KCNH7: variants seen among roughly 807,000 people sequenced by gnomAD.
The protein encoded by KCNH7 is potassium voltage-gated channel subfamily H member 7, also known as voltage-gated inwardly rectifying potassium channel KCNH7.
Under a neutral mutation model 120.8 loss-of-function variants are expected in KCNH7, and 49 were observed. The ratio of observed to expected loss-of-function variants is 0.41; its 90% CI spans 0.32 to 0.51. The LOEUF (loss-of-function observed/expected upper bound fraction) is 0.51. Among genes scored for constraint, KCNH7 ranks in the 20% least tolerant of loss-of-function variants. KCNH7 has a pLI of 0.38. For missense variants in KCNH7, 1,097 were observed against 1,446.6 expected (o/e 0.76, Z 3.92); for synonymous variants, 547 against 516.1 (o/e 1.06, Z -0.81).
chr2:162,451,213 A>G (rs554267958), intron 6 of KCNH7, among the ~76,000 whole-genome samples: 4 of 152,116 alleles, frequency 2.6e-5, no homozygotes, highest in African/African-American at 9.6e-5. Flanking sequence ...CTACCATATA[A>G]CATCAGATAT....
chr2:162,631,693 A>G (rs1366592686), intron 2 of KCNH7, among the ~76,000 whole-genome samples: 2 of 152,106 alleles, frequency 1.3e-5, no homozygotes, highest in African/African-American at 4.8e-5. Flanking sequence ...AAAAAATTAA[A>G]AAGTAACTGT....
chr2:162,755,678 G>T (rs1237017849), intron 2 of KCNH7, among the ~76,000 whole-genome samples: 1 of 152,040 alleles, frequency 6.6e-6, no homozygotes, highest in Non-Finnish European at 1.5e-5. Context: ...CTACTTTAAA[G>T]TATGATAACA....
intron 14 of KCNH7, 60 bp downstream of exon 14, chr2:162,379,793 A>G (rs1686344806): frequency 6.5e-7 from 1 of 1,533,332 alleles, no homozygotes; most frequent in Admixed American, 1.9e-5. Flanking sequence ...TGTAAGGAGT[A>G]AAACTGGACC....
At chr2:162,552,434 G>A (rs778081439) in intron 2 of KCNH7, among the ~76,000 whole-genome samples, 11 of 152,088 alleles carry the variant, frequency 7.2e-5, no homozygotes, top group Middle Eastern at 3.2e-3. Flanking sequence ...CAGGAAAATC[G>A]GGCATCTCTG....
chr2:162,653,420 G>T (rs1044830222), intron 2 of KCNH7, among the ~76,000 whole-genome samples: 1 of 152,130 alleles, frequency 6.6e-6, no homozygotes, highest in Non-Finnish European at 1.5e-5. Flanking sequence ...ATCAGTAGCA[G>T]TTCTATACAT....
intron 7 of KCNH7, among the ~76,000 whole-genome samples, chr2:162,442,917 T>C (rs555839866): frequency 1.5e-4 from 23 of 152,334 alleles, no homozygotes; most frequent in African/African-American, 5.5e-4. Flanking sequence ...ACTCTTAATT[T>C]GTTTATTTAT....
intron 2 of KCNH7, among the ~76,000 whole-genome samples, chr2:162,561,552 CTCT>C (rs1372833658): frequency 1.3e-5 from 2 of 152,192 alleles, no homozygotes; most frequent in Admixed American, 6.5e-5. Context: ...TCTCCAGCAT[CTCT>C]TGTTTCCTGA....
chr2:162,458,080 T>G (rs1483143309), intron 6 of KCNH7, among the ~76,000 whole-genome samples: 2 of 150,974 alleles, frequency 1.3e-5, no homozygotes, highest in Non-Finnish European at 2.9e-5. Flanking sequence ...AAGGCTTAGA[T>G]TAAAATAGAT....
chr2:162,481,085 C>G (rs1482939384), intron 6 of KCNH7, among the ~76,000 whole-genome samples: 1 of 152,108 alleles, frequency 6.6e-6, no homozygotes, highest in Non-Finnish European at 1.5e-5. Flanking sequence ...TTACGTGCCC[C>G]CTTTCTGCTC....
At chr2:162,565,013 C>A (rs1693204240) in intron 2 of KCNH7, among the ~76,000 whole-genome samples, 1 of 152,070 alleles carries the variant, frequency 6.6e-6, no homozygotes, top group African/African-American at 2.4e-5. Flanking sequence ...ATCCCCTTAA[C>A]CTCCAAAGTA....
At chr2:162,573,336 C>T (rs1693559477) in intron 2 of KCNH7, among the ~76,000 whole-genome samples, 2 of 151,896 alleles carry the variant, frequency 1.3e-5, no homozygotes, top group African/African-American at 2.4e-5. Flanking sequence ...TCTAACCACT[C>T]AAGGGCTGAA....
chr2:162,430,662 T>C (rs1444950203), intron 8 of KCNH7, among the ~76,000 whole-genome samples: 2 of 152,000 alleles, frequency 1.3e-5, no homozygotes. Context: ...CCTTATATAT[T>C]TTGTTCAGTT....
chr2:162,652,019 C>T (rs1294320150), intron 2 of KCNH7, among the ~76,000 whole-genome samples: 1 of 152,072 alleles, frequency 6.6e-6, no homozygotes, highest in Non-Finnish European at 1.5e-5. Flanking sequence ...GAAGTCTGTT[C>T]ATGATCTTTG....
At chr2:162,536,860 T>C in intron 3 of KCNH7, 65 bp downstream of exon 3, 1 of 1,298,494 alleles carries the variant, frequency 7.7e-7, no homozygotes, top group Non-Finnish European at 1.1e-6. Context: ...AAATGAAGAC[T>C]GTATTAAAGT....
At chr2:162,618,158 C>A (rs1175371950) in intron 2 of KCNH7, among the ~76,000 whole-genome samples, 1 of 151,876 alleles carries the variant, frequency 6.6e-6, no homozygotes, top group Non-Finnish European at 1.5e-5. Context: ...TAAATAAATA[C>A]TGCATAATAA....
intron 9 of KCNH7, among the ~76,000 whole-genome samples, chr2:162,413,796 T>C (rs1044284193): frequency 6.6e-6 from 1 of 151,872 alleles, no homozygotes; most frequent in Non-Finnish European, 1.5e-5. Flanking sequence ...AACAGCAATG[T>C]TAAGGACTAT....
chr2:162,487,686 C>T (rs1167708287), intron 6 of KCNH7, among the ~76,000 whole-genome samples: 2 of 152,124 alleles, frequency 1.3e-5, no homozygotes, highest in African/African-American at 4.8e-5. Context: ...ATGAGATCTG[C>T]AAAATACAGA....
intron 2 of KCNH7, among the ~76,000 whole-genome samples, chr2:162,701,690 T>C (rs1274098764): frequency 3.3e-5 from 5 of 152,158 alleles, no homozygotes; most frequent in African/African-American, 4.8e-5. Context: ...AGTTTAACTT[T>C]ATAAACATTT....
chr2:162,569,673 A>G (rs1693393026), intron 2 of KCNH7, among the ~76,000 whole-genome samples: 1 of 151,676 alleles, frequency 6.6e-6, no homozygotes, highest in African/African-American at 2.4e-5. Context: ...ATTTAGTGCT[A>G]TAAATTTCCC....
Sources: gnomAD v4.1 joint callset for allele counts (sites outside exome capture counted in the v4.1 genomes callset) on GRCh38, gnomAD v4.1.1 for gene constraint, MANE v1.5 for transcripts, NCBI Gene and HGNC (gene_info 2026-07-23, HGNC 2026-07-21) for gene names.